The following RNF212 variants were observed in gnomAD, a reference collection of about 807,000 sequenced individuals.
RNF212 encodes the protein ring finger protein 212, also known as probable E3 SUMO-protein ligase RNF212.
In RNF212, 33 loss-of-function variants were observed where a neutral mutation model predicts 34.7. That is an observed-to-expected ratio of 0.95 (90% CI 0.72 to 1.27). The LOEUF (loss-of-function observed/expected upper bound fraction) is 1.27, where lower values mean the gene tolerates loss of function less well. RNF212 is among the 50% of genes most tolerant of loss of function. The probability of loss-of-function intolerance (pLI) is 0.00; values close to 1 mark genes in which losing one functional copy is unlikely to be tolerated. For synonymous variants in RNF212, 140 were observed against 136.1 expected (o/e 1.03, Z -0.20); for missense variants, 377 against 362.2 (o/e 1.04, Z -0.33).
intron 8 of RNF212, 117 bp downstream of exon 8, chr4:1,079,526 G>T: frequency 1.3e-6 from 1 of 780,010 alleles, no homozygotes; most frequent in Non-Finnish European, 2.3e-6. Flanking sequence ...CGAAGCAGCA[G>T]CACTGTGCAA....
Position 1,096,793 on chromosome 4 carries a change from C to A in RNF212, c.218G>T (p.Cys73Phe). 1 of 1,613,904 alleles carries A rather than the reference C, an allele frequency of 6.2e-7. No individual in the cohort carries two copies. Among genetic ancestry groups the A allele is most frequent in the Non-Finnish European group, 8.5e-7 (1 of 1,179,726 alleles). Reference protein sequence around the residue: ...QAFFMSIDSLCKKYSRETSQI... With the variant: ...QAFFMSIDSLFKKYSRETSQI... ...GGAGGTTTCCCTGGAGTACTTCTTA[C>A]ACAGACTGTCTATGCTCATGAAGAA... Residue 73 changes from cysteine (C) to phenylalanine (F), a missense_variant, in exon 3 of 10, where the codon TGT becomes TTT. Coordinates refer to ENST00000433731, the MANE Select transcript of RNF212 (RefSeq NM_001131034.4).
intron 2 of RNF212, among the ~76,000 whole-genome samples, chr4:1,104,774 C>T (rs1724548373): frequency 6.6e-6 from 1 of 152,210 alleles, no homozygotes; most frequent in Non-Finnish European, 1.5e-5. Flanking sequence ...CCGATTTGGC[C>T]TGCAATCTAT....
At chr4:1,093,679 A>G (rs1433792411) in intron 3 of RNF212, 2 of 1,536,162 alleles carry the variant, frequency 1.3e-6, no homozygotes, top group Admixed American at 2.0e-5. Flanking sequence ...ACCACCCTGG[A>G]GCGCACGGCC....
In RNF212 at chr4:1,109,010, C is replaced by CTTTTT. The variant is rs71168810; in HGVS notation, c.110-611_110-607dup. Among the ~76,000 whole-genome samples the CTTTTT allele has an allele frequency of 4.4e-5, 6 of 135,836 alleles. 1 individual carries two copies. The highest frequency in any genetic ancestry group is 9.3e-5 in the Non-Finnish European group (6 of 64,634). The allele number at this position is 135,836 out of a possible 152,430, so 89.1% of individuals were successfully genotyped here. On this transcript the variant is annotated intron_variant, in intron 1 of 9. Transcript: ENST00000433731. ...GCCACTGTGCCTGGCCATAATTAGCCTTTTTTTTTTTTTTTGAGACAGAGT... is the reference window on the plus strand; with the variant it reads ...GCCACTGTGCCTGGCCATAATTAGCCTTTTTTTTTTTTTTTTTTTTGAGACAGAGT...
At chr4:1,102,498 A>G (rs2153061353) in intron 2 of RNF212, among the ~76,000 whole-genome samples, 1 of 152,330 alleles carries the variant, frequency 6.6e-6, no homozygotes, top group East Asian at 1.9e-4. Flanking sequence ...AAGAGTCCAC[A>G]GTACTAATAA....
chr4:1,103,506 T>C (rs1025651667), intron 2 of RNF212, among the ~76,000 whole-genome samples: 1 of 152,214 alleles, frequency 6.6e-6, no homozygotes, highest in Admixed American at 6.5e-5. Context: ...TGCAAAATAG[T>C]AGCAAACTGA....
chr4:1,085,999 G>A, intron 4 of RNF212, 45 bp from the exon 5 acceptor site: 1 of 1,360,126 alleles, frequency 7.4e-7, no homozygotes, highest in Non-Finnish European at 1.1e-6. Flanking sequence ...AGGCTATGCT[G>A]AGTGACATGT....
At position 1,058,280 on chromosome 4, in the gene RNF212, GTTA is replaced by G; in HGVS notation, n.220+38_220+40del. 6.1e-6 allele frequency: 4 copies of G among 657,868 alleles called. No individual in the cohort carries two copies. In the African/African-American group the frequency reaches 6.5e-5, roughly 11 times the overall value. 40.8% of individuals were successfully genotyped at this position (657,868 alleles called of 1,614,324 possible). ...CGCTGTGAAGAAGGTGCTTGCGGGG[GTTA>G]GAACGCAGTGAAGAAGGTGCTTGCG... On this transcript the variant is annotated intron_variant and non_coding_transcript_variant, in intron 4 of 4. Transcript: ENST00000503206.
chr4:1,058,453 G>C, intron 3 of RNF212: 3 of 756,904 alleles, frequency 4.0e-6, no homozygotes, highest in Non-Finnish European at 4.8e-6. Context: ...GGTGCTTTGA[G>C]GACGACGACC....
At chr4:1,087,844 C>T (rs945023845) in intron 4 of RNF212, among the ~76,000 whole-genome samples, 2 of 151,856 alleles carry the variant, frequency 1.3e-5, no homozygotes, top group African/African-American at 4.8e-5. Context: ...CCTCTCCTGC[C>T]GCTATGTAAG....
intron 4 of RNF212, among the ~76,000 whole-genome samples, chr4:1,088,909 A>C (rs1404038749): frequency 2.0e-5 from 3 of 152,246 alleles, no homozygotes; most frequent in Non-Finnish European, 2.9e-5. Context: ...GGGAACCTCC[A>C]CCTAGATTTG....
chr4:1,079,032 T>C lies in RNF212; in HGVS notation c.510+611A>G, dbSNP rs565304770. On this transcript the variant is annotated intron_variant, in intron 8 of 9. Coordinates refer to ENST00000433731, the MANE Select transcript of RNF212 (RefSeq NM_001131034.4). ...ACACAGGGTCAACACAGGACCAACA[T>C]GGGACCAACATAGAGTCAACACAGG... 1.7e-4 allele frequency among the ~76,000 whole-genome samples: 23 copies of C among 138,574 alleles called. 1 individual carries two copies. The highest frequency in any genetic ancestry group is 6.4e-4 in the African/African-American group (22 of 34,186). 90.9% of individuals were successfully genotyped at this position (138,574 alleles called of 152,430 possible). A position where few individuals can be genotyped will look rare whatever the true frequency, so the allele number is the denominator to read the frequency against.
chr4:1,096,654 G>T, intron 3 of RNF212, 111 bp downstream of exon 3: 2 of 751,234 alleles, frequency 2.7e-6, no homozygotes, highest in East Asian at 5.0e-5. Context: ...CATGGTCTCG[G>T]GATAGTGCAC....
chr4:1,113,315 G>T, intron 1 of RNF212, 41 bp downstream of exon 1: 1 of 770,364 alleles, frequency 1.3e-6, no homozygotes, highest in Non-Finnish European at 1.6e-6. Flanking sequence ...CCCCCTTGCC[G>T]CTCCCCTCCC....
intron 1 of RNF212, among the ~76,000 whole-genome samples, chr4:1,111,002 T>C (rs369225551): frequency 6.6e-6 from 1 of 152,262 alleles, no homozygotes; most frequent in South Asian, 2.1e-4. Context: ...TCAAAAGCTA[T>C]GACGCTCTGA....
chr4:1,084,092 G>A (rs617633), intron 5 of RNF212, among the ~76,000 whole-genome samples: 25,861 of 151,954 alleles, frequency 0.17, 3,409 homozygotes, highest in African/African-American at 0.37. Context: ...GGGATTACAG[G>A]TGTGCACCAA....
At chr4:1,097,898 C>G (rs1295220046) in intron 2 of RNF212, among the ~76,000 whole-genome samples, 1 of 152,100 alleles carries the variant, frequency 6.6e-6, no homozygotes, top group Middle Eastern at 3.2e-3. Flanking sequence ...AACCCCATCT[C>G]TATCAAAAAT....
chr4:1,083,595 G>A (rs1225107619), intron 5 of RNF212, among the ~76,000 whole-genome samples: 1 of 152,112 alleles, frequency 6.6e-6, no homozygotes, highest in Non-Finnish European at 1.5e-5. Context: ...CTGAGATCGT[G>A]CCACTGTACT....
intron 8 of RNF212, among the ~76,000 whole-genome samples, chr4:1,079,202 C>CCAACACAGGGT (rs1719906389): frequency 1.3e-5 from 2 of 150,640 alleles, no homozygotes; most frequent in East Asian, 2.0e-4. Context: ...CAACATGGGA[C>CCAACACAGGGT]CAACATAGAG....
Sources: gnomAD v4.1 joint callset for allele counts (sites outside exome capture counted in the v4.1 genomes callset) on GRCh38, gnomAD v4.1.1 for gene constraint, MANE v1.5 for transcripts, NCBI Gene and HGNC (gene_info 2026-07-23, HGNC 2026-07-21) for gene names.